Variants in USP33 observed in about 807,000 individuals in gnomAD.
USP33 encodes ubiquitin specific peptidase 33, also known as ubiquitin carboxyl-terminal hydrolase 33.
A neutral mutation model predicts 124.2 loss-of-function variants in USP33; 46 were observed. The ratio of observed to expected loss-of-function variants is 0.37; its 90% confidence interval spans 0.29 to 0.47. The LOEUF (loss-of-function observed/expected upper bound fraction) is 0.47. Ranked by LOEUF, USP33 falls within the 20% of genes least tolerant of loss-of-function variation. USP33 has a pLI of 0.99. For missense variants in USP33, 851 were observed against 1,070.6 expected (o/e 0.79, Z 2.86); for synonymous variants, 350 against 352.3 (o/e 0.99, Z 0.07).
At chr1:77,739,197 T>C in intron 5 of USP33, 68 bp downstream of exon 5, 2 of 1,533,652 alleles carry the variant, frequency 1.3e-6, no homozygotes, top group Non-Finnish European at 1.8e-6. Context: ...AAATTTCAGC[T>C]ACATGACAAA....
At chr1:77,751,838 G>A (rs773119406) in intron 1 of USP33, among the ~76,000 whole-genome samples, 4 of 151,708 alleles carry the variant, frequency 2.6e-5, no homozygotes, top group South Asian at 4.2e-4. Flanking sequence ...ACAGGCACCC[G>A]CCATCACACC....
intron 1 of USP33, among the ~76,000 whole-genome samples, chr1:77,758,933 G>A (rs1681061278): frequency 6.6e-6 from 1 of 152,090 alleles, no homozygotes; most frequent in African/African-American, 2.4e-5. Flanking sequence ...AAACTCCAAC[G>A]GTACTTGAGT....
chr1:77,752,026 A>C (rs1680388814), intron 1 of USP33, among the ~76,000 whole-genome samples: 1 of 152,022 alleles, frequency 6.6e-6, no homozygotes, highest in African/African-American at 2.4e-5. Context: ...TTTTCGTAGT[A>C]CAATCTCCAA....
At chr1:77,753,443 A>G (rs1680528718) in intron 1 of USP33, among the ~76,000 whole-genome samples, 1 of 152,282 alleles carries the variant, frequency 6.6e-6, no homozygotes, top group African/African-American at 2.4e-5. Flanking sequence ...AAAAAAAATA[A>G]TAATTTTTTA....
chr1:77,708,892 T>C (rs1042079040), intron 21 of USP33, among the ~76,000 whole-genome samples: 1 of 151,682 alleles, frequency 6.6e-6, no homozygotes, highest in Non-Finnish European at 1.5e-5. Flanking sequence ...CGCTATGTTG[T>C]CCAGGCTGGT....
At chr1:77,727,600 T>A (rs1441937572) in intron 10 of USP33, among the ~76,000 whole-genome samples, 2 of 152,244 alleles carry the variant, frequency 1.3e-5, no homozygotes, top group Non-Finnish European at 2.9e-5. Context: ...CTAAATAAAT[T>A]GCTTAGTTAC....
At chr1:77,750,684 GAAA>G (rs1422548803) in intron 1 of USP33, among the ~76,000 whole-genome samples, 2 of 145,160 alleles carry the variant, frequency 1.4e-5, no homozygotes, top group Non-Finnish European at 3.1e-5. Flanking sequence ...AAGAAAGAAA[GAAA>G]AAGGAAAAGA....
At chr1:77,708,106 T>G (rs929695678) in intron 21 of USP33, among the ~76,000 whole-genome samples, 17 of 152,208 alleles carry the variant, frequency 1.1e-4, no homozygotes, top group African/African-American at 4.1e-4. Flanking sequence ...TACTGTTGTT[T>G]GGTTGTGTAA....
intron 17 of USP33, among the ~76,000 whole-genome samples, chr1:77,717,260 C>T (rs374493185): frequency 2.6e-5 from 4 of 152,028 alleles, no homozygotes; most frequent in African/African-American, 7.2e-5. Context: ...GAGGCCGAGG[C>T]GGGCAGATCA....
intron 21 of USP33, among the ~76,000 whole-genome samples, chr1:77,705,667 T>TAAA (rs113310451): frequency 7.0e-6 from 1 of 143,274 alleles, no homozygotes; most frequent in East Asian, 2.0e-4. Context: ...AGATTTGCTT[T>TAAA]AAAAAAAAAA....
chr1:77,703,172 C>T (rs1179368882), intron 21 of USP33, among the ~76,000 whole-genome samples: 2 of 152,216 alleles, frequency 1.3e-5, no homozygotes, highest in Non-Finnish European at 2.9e-5. Context: ...ATACTGGCCA[C>T]TTTGTTATTG....
chr1:77,741,085 A>G, intron 3 of USP33, 146 bp from the exon 4 acceptor site: 1 of 648,486 alleles, frequency 1.5e-6, no homozygotes, highest in South Asian at 2.6e-5. Flanking sequence ...ATTAAATTTA[A>G]CCAAATGTTT....
chr1:77,747,207 T>TAGTA (rs58159726), intron 1 of USP33, among the ~76,000 whole-genome samples: 54,463 of 148,900 alleles, frequency 0.37, 11,493 homozygotes, highest in African/African-American at 0.57. Context: ...TGATCATATA[T>TAGTA]AGTACATAAG....
chr1:77,731,834 T>C (rs1157852583), intron 7 of USP33, among the ~76,000 whole-genome samples: 10 of 152,174 alleles, frequency 6.6e-5, no homozygotes, highest in Non-Finnish European at 1.5e-4. Flanking sequence ...CCAGGCATGG[T>C]TGGTCATGCC....
At position 77,747,035 on chromosome 1, in the gene USP33, T is replaced by C. The variant is rs574820388; in HGVS notation, c.-51-5287A>G. Among the ~76,000 whole-genome samples the C allele has an allele frequency of 1.1e-4, 16 of 152,272 alleles. No homozygotes were observed. In the South Asian group the frequency reaches 2.9e-3, roughly 28 times the overall value. On this transcript the variant is annotated intron_variant, in intron 1 of 23. Coordinates refer to ENST00000370794, the MANE Select transcript of USP33 (RefSeq NM_201624.3). Reference sequence around the variant, plus strand: ...TTTAAATCTTTTGCCCTTTTTACTATTGGGTCCATAACCTCTTCTTTTAAA... The same window carrying C: ...TTTAAATCTTTTGCCCTTTTTACTACTGGGTCCATAACCTCTTCTTTTAAA...
At chr1:77,732,629 T>C (rs115331717) in intron 7 of USP33, among the ~76,000 whole-genome samples, 2 of 152,264 alleles carry the variant, frequency 1.3e-5, no homozygotes, top group Non-Finnish European at 2.9e-5. Flanking sequence ...CTATGATTAC[T>C]GTACCCCGTC....
In USP33 at chr1:77,741,632, C is replaced by G; in HGVS notation, c.66G>C (p.Leu22Phe). 2 of 1,587,982 alleles carry G rather than the reference C, an allele frequency of 1.3e-6. No homozygotes were observed. ...DSVGEITKED[L>F]IQKSLGTCQD... ...TGTTTCTTACAAGGGATTTTTGTAT[C>G]AAATCTTCTTTTGTTATTTCACCAA... The change falls in exon 2 of 24, where the codon TTG (leucine) becomes TTC (phenylalanine). Residue 22 changes from leucine to phenylalanine, a missense_variant. By Grantham distance (22) the Leu-to-Phe change is conservative (BLOSUM62 0). Coordinates refer to ENST00000370794, the MANE Select transcript of USP33 (RefSeq NM_201624.3).
At chr1:77,698,477 TCA>T (rs1398534812) in intron 22 of USP33, among the ~76,000 whole-genome samples, 1 of 149,750 alleles carries the variant, frequency 6.7e-6, no homozygotes, top group Admixed American at 6.7e-5. Context: ...TTCACAACCA[TCA>T]CAGTTTAACA....
chr1:77,738,709 T>C (rs1280438199), intron 5 of USP33, among the ~76,000 whole-genome samples: 1 of 152,218 alleles, frequency 6.6e-6, no homozygotes, highest in East Asian at 1.9e-4. Flanking sequence ...CTCGATCTCC[T>C]GACCTCGTGA....
Sources: allele counts gnomAD v4.1 joint callset (sites outside exome capture counted in the v4.1 genomes callset), GRCh38; gene constraint gnomAD v4.1.1; transcripts MANE v1.5; gene names NCBI Gene and HGNC (gene_info 2026-07-23, HGNC 2026-07-21).